HUNK: variants seen among roughly 807,000 people sequenced by gnomAD.
HUNK encodes hormonally up-regulated neu tumor-associated kinase.
Under a neutral mutation model 61.0 loss-of-function variants are expected in HUNK, and 21 were observed. That is an observed-to-expected ratio of 0.34 (90% CI 0.24 to 0.50). HUNK has a LOEUF of 0.50. Among genes scored for constraint, HUNK ranks in the 20% least tolerant of loss-of-function variants. The pLI, the probability that HUNK is intolerant of heterozygous loss-of-function variation, is 0.98. For synonymous variants in HUNK, 371 were observed against 386.1 expected (o/e 0.96, Z 0.46); for missense variants, 772 against 945.7 (o/e 0.82, Z 2.41).
At chr21:31,949,932 A>G (rs145672929) in intron 4 of HUNK, among the ~76,000 whole-genome samples, 155 of 152,286 alleles carry the variant, frequency 1.0e-3, no homozygotes, top group African/African-American at 3.7e-3. Context: ...CAACCCTTCA[A>G]GGTAGTGCTG....
chr21:31,936,906 T>G (rs867536896), intron 2 of HUNK, among the ~76,000 whole-genome samples: 5 of 152,322 alleles, frequency 3.3e-5, no homozygotes, highest in African/African-American at 1.2e-4. Flanking sequence ...CCACAGTATT[T>G]GCTCTGAACC....
At chr21:31,979,264 G>T (rs2053074361) in intron 7 of HUNK, among the ~76,000 whole-genome samples, 1 of 151,744 alleles carries the variant, frequency 6.6e-6, no homozygotes, top group African/African-American at 2.4e-5. Flanking sequence ...GACTACAGGT[G>T]CACACCACCA....
At chr21:31,992,712 A>T (rs536423562) in intron 9 of HUNK, among the ~76,000 whole-genome samples, 1 of 152,340 alleles carries the variant, frequency 6.6e-6, no homozygotes, top group East Asian at 1.9e-4. Flanking sequence ...TGTTTCTGTT[A>T]TGTAAGGCAA....
intron 1 of HUNK, among the ~76,000 whole-genome samples, chr21:31,916,971 C>T (rs776596702): frequency 3.7e-4 from 57 of 152,204 alleles, no homozygotes; most frequent in Admixed American, 1.5e-3. Flanking sequence ...CCACCACACC[C>T]GGCCGGGTTT....
chr21:31,926,810 TC>T (rs1397607531), intron 2 of HUNK, among the ~76,000 whole-genome samples: 1 of 152,144 alleles, frequency 6.6e-6, no homozygotes, highest in Non-Finnish European at 1.5e-5. Context: ...AAAACTCCAC[TC>T]TTAGGAGTGG....
intron 1 of HUNK, among the ~76,000 whole-genome samples, chr21:31,908,453 G>A (rs1568922338): frequency 6.6e-6 from 1 of 152,082 alleles, no homozygotes; most frequent in Non-Finnish European, 1.5e-5. Context: ...GGAACCTTTC[G>A]GAGGAGACTT....
chr21:31,900,594 C>G (rs2052459362), intron 1 of HUNK, among the ~76,000 whole-genome samples: 2 of 152,132 alleles, frequency 1.3e-5, no homozygotes, highest in African/African-American at 2.4e-5. Context: ...TTGTCATGGT[C>G]CAAAGGTCTC....
At chr21:31,874,218 T>A (rs2052240706) in intron 1 of HUNK, among the ~76,000 whole-genome samples, 1 of 120 alleles carries the variant, frequency 8.3e-3, no homozygotes, top group African/African-American at 0.045. Context: ...GGGCGCCGCC[T>A]GGCGACACTA....
intron 6 of HUNK, among the ~76,000 whole-genome samples, chr21:31,968,712 CCGAGTGTGTGTG>C (rs1314554445): frequency 2.9e-5 from 4 of 135,814 alleles, no homozygotes; most frequent in Non-Finnish European, 6.3e-5. Context: ...TAGCTGTGGC[CCGAGTGTGTGTG>C]TGTGTGTGTG....
intron 1 of HUNK, among the ~76,000 whole-genome samples, chr21:31,890,910 A>G (rs2052383013): frequency 6.6e-6 from 1 of 152,030 alleles, no homozygotes; most frequent in Admixed American, 6.5e-5. Context: ...TCTCCTGTTT[A>G]TCTTATTGGT....
At chr21:31,951,207 T>TAA (rs2052847696) in intron 4 of HUNK, among the ~76,000 whole-genome samples, 1 of 149,886 alleles carries the variant, frequency 6.7e-6, no homozygotes, top group Non-Finnish European at 1.5e-5. Flanking sequence ...TATATATATA[T>TAA]AAAAATAACA....
chr21:31,961,786 T>G (rs575702934), intron 5 of HUNK, among the ~76,000 whole-genome samples: 3 of 152,290 alleles, frequency 2.0e-5, no homozygotes, highest in Middle Eastern at 3.4e-3. Context: ...GGAGGATGAA[T>G]GTACCCCCAC....
chr21:31,990,184 C>T lies in HUNK; in HGVS notation c.1305+8C>T. The T allele has an allele frequency of 6.2e-7, 1 of 1,612,454 alleles. No homozygotes were observed. Among genetic ancestry groups the T allele is most frequent in the African/African-American group, 1.3e-5 (1 of 74,936 alleles). Reference sequence around the variant, plus strand: ...GAATTCCATGCCGTGCAGGTAAGAACTTGGGGGATTATTATGTTAGTCAGG... The same window carrying T: ...GAATTCCATGCCGTGCAGGTAAGAATTTGGGGGATTATTATGTTAGTCAGG... On this transcript the variant is annotated splice_region_variant and intron_variant, in intron 9 of 10. Transcript: ENST00000270112.
intron 1 of HUNK, among the ~76,000 whole-genome samples, chr21:31,881,725 A>G (rs1415425167): frequency 1.3e-5 from 2 of 152,140 alleles, no homozygotes; most frequent in Non-Finnish European, 2.9e-5. Flanking sequence ...TAGTCCTTCT[A>G]TCTATGTATG....
At chr21:31,986,581 A>G (rs1310330346) in intron 8 of HUNK, among the ~76,000 whole-genome samples, 1 of 152,010 alleles carries the variant, frequency 6.6e-6, no homozygotes, top group Non-Finnish European at 1.5e-5. Flanking sequence ...GACTCCGTGC[A>G]TGGTCGCCCT....
rs114823763 is a variant in HUNK, at chr21:31,884,167, T to C, written c.261+10232T>C. ...AATGTTTGTGTCCCCCAAAATTCTT[T>C]TGTTGAAATTCAAACCTCCAGTGTG... is the stretch of plus-strand genomic sequence containing the variant. On this transcript the variant is annotated intron_variant, in intron 1 of 10. Coordinates refer to ENST00000270112, the MANE Select transcript of HUNK (RefSeq NM_014586.2). Among the ~76,000 whole-genome samples, 1,009 of 152,266 alleles carry C rather than the reference T, an allele frequency of 6.6e-3. 20 individuals carry two copies. The highest frequency in any genetic ancestry group is 0.023 in the African/African-American group (957 of 41,548).
At chr21:31,965,594 C>CTTTTT (rs71193162) in intron 5 of HUNK, among the ~76,000 whole-genome samples, 1 of 127,480 alleles carries the variant, frequency 7.8e-6, no homozygotes, top group Non-Finnish European at 1.6e-5. Flanking sequence ...CTTTGTTTTT[C>CTTTTT]TTTTTTTTTT....
intron 1 of HUNK, among the ~76,000 whole-genome samples, chr21:31,907,742 C>T (rs558998476): frequency 9.6e-4 from 146 of 152,108 alleles, no homozygotes; most frequent in African/African-American, 3.4e-3. Context: ...GTAATCCCAG[C>T]ACTCTGGGAG....
chr21:31,912,136 G>A lies in HUNK; in HGVS notation c.262-12332G>A, dbSNP rs763783624. 5.3e-5 allele frequency among the ~76,000 whole-genome samples: 8 copies of A among 152,068 alleles called. No individual in the cohort carries two copies. In the South Asian group the frequency reaches 1.2e-3, roughly 24 times the overall value. On this transcript the variant is annotated intron_variant, in intron 1 of 10. Coordinates refer to ENST00000270112, the MANE Select transcript of HUNK (RefSeq NM_014586.2). Reference sequence around the variant, plus strand: ...GCCATGCATCTGTCCTTCCCCCACCGTTCCTCCCTCCCCATCTTCTTTCCA... The same window carrying A: ...GCCATGCATCTGTCCTTCCCCCACCATTCCTCCCTCCCCATCTTCTTTCCA...
Sources: allele counts gnomAD v4.1 joint callset (sites outside exome capture counted in the v4.1 genomes callset), GRCh38; gene constraint gnomAD v4.1.1; transcripts MANE v1.5; gene names NCBI Gene and HGNC (gene_info 2026-07-23, HGNC 2026-07-21).